GRM8: variants seen among roughly 807,000 people sequenced by gnomAD.
GRM8 encodes metabotropic glutamate receptor 8.
A neutral mutation model predicts 87.2 loss-of-function variants in GRM8; 47 were observed. The observed-to-expected ratio is 0.54, with a 90% CI of 0.43 to 0.69. GRM8 has a LOEUF of 0.69. Ranked by LOEUF, GRM8 falls within the 30% of genes least tolerant of loss-of-function variation. The pLI is 0.00. For missense variants in GRM8, 1,019 were observed against 1,139.2 expected (o/e 0.89, Z 1.52); for synonymous variants, 396 against 404.5 (o/e 0.98, Z 0.25).
At chr7:126,494,479 A>C (rs1233236947) in intron 9 of GRM8, among the ~76,000 whole-genome samples, 3 of 152,056 alleles carry the variant, frequency 2.0e-5, no homozygotes, top group African/African-American at 7.2e-5. Flanking sequence ...TCTTGATGTT[A>C]ATCATTTATA....
chr7:127,037,641 G>A (rs1429045003), intron 3 of GRM8, among the ~76,000 whole-genome samples: 2 of 152,120 alleles, frequency 1.3e-5, no homozygotes, highest in African/African-American at 2.4e-5. Flanking sequence ...AATTTCAAAG[G>A]AGGATAGAGG....
intron 7 of GRM8, among the ~76,000 whole-genome samples, chr7:126,672,475 C>G (rs1225654851): frequency 6.6e-6 from 1 of 152,228 alleles, no homozygotes; most frequent in Non-Finnish European, 1.5e-5. Flanking sequence ...AAGGCACCTT[C>G]TCTTTTCTCT....
At chr7:127,116,224 T>C (rs1385027645) in intron 2 of GRM8, among the ~76,000 whole-genome samples, 1 of 152,246 alleles carries the variant, frequency 6.6e-6, no homozygotes, top group Non-Finnish European at 1.5e-5. Context: ...TGAACAGTTT[T>C]ATTTAAATTT....
intron 2 of GRM8, among the ~76,000 whole-genome samples, chr7:127,132,433 A>T (rs17869628): frequency 0.034 from 5,110 of 152,026 alleles, 114 homozygotes; most frequent in South Asian, 0.1. Flanking sequence ...TCATTTCTCA[A>T]ATATTTACTG....
intron 7 of GRM8, among the ~76,000 whole-genome samples, chr7:126,678,558 A>C (rs1436101813): frequency 6.6e-6 from 1 of 152,236 alleles, no homozygotes; most frequent in Non-Finnish European, 1.5e-5. Context: ...ATCCAAACTT[A>C]AAGCACTTTT....
At chr7:127,233,863 T>C (rs1205606425) in intron 2 of GRM8, among the ~76,000 whole-genome samples, 3 of 152,208 alleles carry the variant, frequency 2.0e-5, no homozygotes, top group Non-Finnish European at 4.4e-5. Flanking sequence ...TGCACAATGC[T>C]ATGCCTAGAC....
intron 6 of GRM8, among the ~76,000 whole-genome samples, chr7:126,786,755 TTAA>T (rs1266077645): frequency 1.3e-5 from 2 of 152,288 alleles, no homozygotes; most frequent in African/African-American, 2.4e-5. Flanking sequence ...ATATTATAAA[TTAA>T]TAAGACAAAT....
intron 3 of GRM8, among the ~76,000 whole-genome samples, chr7:126,978,668 T>G (rs1415487438): frequency 2.0e-5 from 3 of 152,172 alleles, no homozygotes; most frequent in Non-Finnish European, 4.4e-5. Flanking sequence ...CAAAACCAAG[T>G]CAAGTGTTAG....
At chr7:126,826,012 T>C (rs958324956) in intron 6 of GRM8, among the ~76,000 whole-genome samples, 1 of 152,156 alleles carries the variant, frequency 6.6e-6, no homozygotes, top group Non-Finnish European at 1.5e-5. Flanking sequence ...AGAATGATGA[T>C]TTCCAATTTC....
intron 1 of GRM8, among the ~76,000 whole-genome samples, chr7:127,247,374 T>G (rs1798632217): frequency 6.6e-6 from 1 of 152,200 alleles, no homozygotes; most frequent in Non-Finnish European, 1.5e-5. Flanking sequence ...GGAATACCAT[T>G]ATCCAAGAAT....
intron 3 of GRM8, among the ~76,000 whole-genome samples, chr7:127,103,273 G>A (rs1289300931): frequency 6.6e-6 from 1 of 152,238 alleles, no homozygotes; most frequent in Non-Finnish European, 1.5e-5. Flanking sequence ...CAAATCTCAT[G>A]TCGAAATGTC....
intron 9 of GRM8, among the ~76,000 whole-genome samples, chr7:126,494,332 A>C (rs1808427547): frequency 1.3e-5 from 2 of 151,982 alleles, no homozygotes; most frequent in Admixed American, 1.3e-4. Context: ...TGTAAACAAA[A>C]CATCATTTCA....
chr7:126,866,034 C>T (rs1010363745), intron 6 of GRM8, among the ~76,000 whole-genome samples: 1 of 152,168 alleles, frequency 6.6e-6, no homozygotes, highest in Non-Finnish European at 1.5e-5. Context: ...TAGCATCTTC[C>T]ATTCCTGCCA....
At chr7:126,837,355 T>G (rs1410458759) in intron 6 of GRM8, among the ~76,000 whole-genome samples, 1 of 152,272 alleles carries the variant, frequency 6.6e-6, no homozygotes, top group Non-Finnish European at 1.5e-5. Flanking sequence ...TTAGTTGTTC[T>G]GTTTATATGG....
chr7:126,788,093 C>T (rs955658324), intron 6 of GRM8, among the ~76,000 whole-genome samples: 1 of 151,888 alleles, frequency 6.6e-6, no homozygotes. Context: ...TGATGAGTTA[C>T]CTGAAAAATG....
chr7:126,489,356 A>G (rs1807737386), intron 9 of GRM8, among the ~76,000 whole-genome samples: 1 of 152,118 alleles, frequency 6.6e-6, no homozygotes, highest in South Asian at 2.1e-4. Context: ...CATGACAATT[A>G]AAAGAACTAA....
rs995475935 is a variant in GRM8 at position 127,190,382 on chromosome 7, A to G, written c.510+52313T>C. Among the ~76,000 whole-genome samples the G allele has an allele frequency of 2.0e-5, 3 of 152,220 alleles. 1 individual carries two copies. In the South Asian group the frequency reaches 6.2e-4, roughly 32 times the overall value. On this transcript the variant is annotated intron_variant, in intron 2 of 10. Coordinates refer to ENST00000339582, the MANE Select transcript of GRM8 (RefSeq NM_000845.3). ...AACATGGTGAAACCCCATCTCTACT[A>G]AAAATACAAAAGTTAGCCAGGTGTG...
intron 2 of GRM8, among the ~76,000 whole-genome samples, chr7:127,240,210 G>A (rs971332380): frequency 2.0e-5 from 3 of 152,150 alleles, no homozygotes; most frequent in Non-Finnish European, 4.4e-5. Context: ...CAGTCAGTGA[G>A]GGAAGAATAG....
chr7:127,167,294 G>C (rs915035943), intron 2 of GRM8, among the ~76,000 whole-genome samples: 3 of 152,144 alleles, frequency 2.0e-5, no homozygotes, highest in Non-Finnish European at 2.9e-5. Flanking sequence ...ATAAAATGCT[G>C]TTCCCTCCCC....
Sources: allele counts gnomAD v4.1 joint callset (sites outside exome capture counted in the v4.1 genomes callset), GRCh38; gene constraint gnomAD v4.1.1; transcripts MANE v1.5; gene names NCBI Gene and HGNC (gene_info 2026-07-23, HGNC 2026-07-21).